ASPH: variants seen among roughly 807,000 people sequenced by gnomAD.
ASPH encodes the protein aspartate beta-hydroxylase, also known as aspartyl/asparaginyl beta-hydroxylase.
A neutral mutation model predicts 118.4 loss-of-function variants in ASPH; 100 were observed. The observed-to-expected ratio is 0.84, with a 90% confidence interval of 0.72 to 1.00. ASPH has a LOEUF of 1.00. Among genes scored for constraint, ASPH ranks in the 50% least tolerant of loss-of-function variants. The pLI is 0.00. For missense variants in ASPH, 920 were observed against 919.5 expected (o/e 1.00, Z -0.01); for synonymous variants, 315 against 325.6 (o/e 0.97, Z 0.35).
chr8:61,556,064 T>G (rs199974003), intron 18 of ASPH, 42 bp from the exon 19 acceptor site: 1 of 1,555,434 alleles, frequency 6.4e-7, no homozygotes, highest in East Asian at 2.3e-5. Context: ...AAAGAAAACA[T>G]AGGTGATTGC....
Position 61,644,588 on chromosome 8 carries a change from T to C in ASPH, c.652+12A>G, listed in dbSNP as rs1218162478. 1 of 1,575,020 alleles carries C rather than the reference T, an allele frequency of 6.3e-7. No homozygotes were observed. Among genetic ancestry groups the C allele is most frequent in the East Asian group, 2.3e-5 (1 of 43,478 alleles). On this transcript the variant is annotated intron_variant, in intron 7 of 24. Transcript: ENST00000379454. ...CACTCTAATTAAGAACAGAATTAAA[T>C]TAAAATCTCACCTGTCTCTTCCACG...
chr8:61,665,743 T>A, intron 3 of ASPH: 1 of 896,102 alleles, frequency 1.1e-6, no homozygotes. Context: ...TTACTTTAAT[T>A]CACTAGTCTT....
At chr8:61,648,506 T>C (rs564594905) in intron 5 of ASPH, among the ~76,000 whole-genome samples, 1 of 152,350 alleles carries the variant, frequency 6.6e-6, no homozygotes, top group South Asian at 2.1e-4. Context: ...TTACTTCTCT[T>C]TTTATTTTTA....
Position 61,645,194 on chromosome 8 carries a change from C to A in ASPH, c.620-562G>T, listed in dbSNP as rs148544090. Among the ~76,000 whole-genome samples the A allele has an allele frequency of 2.2e-3, 337 of 152,210 alleles. 2 individuals carry two copies. Among genetic ancestry groups the A allele is most frequent in the African/African-American group, 7.2e-3 (301 of 41,518 alleles). ...TATAAAGAATAAATATTTTTATTTT[C>A]TGAAGACTTTTAACAACCAACTTTT... On this transcript the variant is annotated intron_variant, in intron 6 of 24. Coordinates refer to ENST00000379454, the MANE Select transcript of ASPH (RefSeq NM_004318.4).
chr8:61,598,063 T>C (rs929879160), intron 14 of ASPH, among the ~76,000 whole-genome samples: 2 of 151,864 alleles, frequency 1.3e-5, no homozygotes, highest in African/African-American at 2.4e-5. Flanking sequence ...GAGCAAAAAA[T>C]ATACAACAAC....
chr8:61,508,929 A>G (rs533062018), intron 24 of ASPH, among the ~76,000 whole-genome samples: 1 of 152,328 alleles, frequency 6.6e-6, no homozygotes, highest in Non-Finnish European at 1.5e-5. Context: ...ATCTACTGAA[A>G]TTCCCCAGTT....
At chr8:61,512,099 G>T (rs1465803482) in intron 24 of ASPH, among the ~76,000 whole-genome samples, 1 of 152,136 alleles carries the variant, frequency 6.6e-6, no homozygotes, top group African/African-American at 2.4e-5. Flanking sequence ...CCCAAGCAAG[G>T]CTATGTGATC....
At chr8:61,613,716 G>C (rs1235631637) in intron 14 of ASPH, among the ~76,000 whole-genome samples, 1 of 152,176 alleles carries the variant, frequency 6.6e-6, no homozygotes, top group Non-Finnish European at 1.5e-5. Context: ...GGGAAGTGGA[G>C]CGATTAGGAA....
Position 61,714,465 on chromosome 8 carries a change from G to A in ASPH, c.-94C>T. The A allele has an allele frequency of 1.5e-6, 2 of 1,362,048 alleles. No homozygotes were observed. The highest frequency in any genetic ancestry group is 1.9e-6 in the Non-Finnish European group (2 of 1,058,066). 84.4% of individuals were successfully genotyped at this position (1,362,048 alleles called of 1,614,324 possible). A position where few individuals can be genotyped will look rare whatever the true frequency, so the allele number is the denominator to read the frequency against. ...CGGGAACCGCTGGCGGCGGCGGGCC[G>A]CTGGAGCGGGTTCGGGCCGCTGCTC... On this transcript the variant is annotated 5_prime_UTR_variant, in exon 1 of 25. Coordinates refer to ENST00000379454, the MANE Select transcript of ASPH (RefSeq NM_004318.4).
chr8:61,611,124 G>A (rs1847203190), intron 14 of ASPH, among the ~76,000 whole-genome samples: 2 of 152,190 alleles, frequency 1.3e-5, no homozygotes, highest in Admixed American at 1.3e-4. Context: ...GTAGCCCCAG[G>A]GAGCCTGGTG....
chr8:61,551,362 T>C (rs543953757), intron 20 of ASPH, among the ~76,000 whole-genome samples: 1 of 152,236 alleles, frequency 6.6e-6, no homozygotes, highest in Non-Finnish European at 1.5e-5. Context: ...GTTTACTTCC[T>C]GACATGCAAA....
intron 3 of ASPH, among the ~76,000 whole-genome samples, chr8:61,653,861 A>T (rs1371156454): frequency 6.6e-6 from 1 of 152,232 alleles, no homozygotes; most frequent in Non-Finnish European, 1.5e-5. Context: ...TCTTTGTCTT[A>T]GTTAGCTTTT....
At position 61,684,126 on chromosome 8, in the gene ASPH, T is replaced by A. The variant is rs771075546; in HGVS notation, c.166A>T (p.Thr56Ser). The A allele has an allele frequency of 1.9e-6, 3 of 1,613,730 alleles. No individual in the cohort carries two copies. The highest frequency in any genetic ancestry group is 8.5e-7 in the Non-Finnish European group (1 of 1,179,752). ...KGGLSGTSFF[T>S]WFMVIALLGV... ...AGCAATGCAATCACCATAAACCACGTGAAGAATGAAGTTCCTGAGAGTCCG... is the reference window on the plus strand; with the variant it reads ...AGCAATGCAATCACCATAAACCACGAGAAGAATGAAGTTCCTGAGAGTCCG... Residue 56 changes from threonine (T) to serine (S), a missense_variant, in exon 2 of 25, where the codon ACG becomes TCG. By Grantham distance (58) the Thr-to-Ser change is moderately conservative. Coordinates refer to ENST00000379454, the MANE Select transcript of ASPH (RefSeq NM_004318.4).
At chr8:61,663,238 G>T (rs1012730418) in intron 3 of ASPH, 1 of 985,168 alleles carries the variant, frequency 1.0e-6, no homozygotes, top group Admixed American at 6.2e-5. Flanking sequence ...ATTTGATGAA[G>T]TTTGAGTGGG....
intron 22 of ASPH, among the ~76,000 whole-genome samples, chr8:61,519,015 C>T (rs1236920105): frequency 2.0e-5 from 3 of 152,180 alleles, no homozygotes; most frequent in Non-Finnish European, 4.4e-5. Context: ...GTATTTTAAG[C>T]AGATACTGAA....
At chr8:61,530,264 G>A (rs1175160114) in intron 21 of ASPH, among the ~76,000 whole-genome samples, 1 of 152,148 alleles carries the variant, frequency 6.6e-6, no homozygotes, top group African/African-American at 2.4e-5. Flanking sequence ...TCAGTTGGTT[G>A]CCCGAAAGAC....
At chr8:61,614,170 T>C (rs1848305643) in intron 14 of ASPH, among the ~76,000 whole-genome samples, 1 of 152,208 alleles carries the variant, frequency 6.6e-6, no homozygotes, top group Non-Finnish European at 1.5e-5. Flanking sequence ...AATCTTTAAG[T>C]GTTTTAAAGA....
chr8:61,656,272 G>C (rs1813628989), intron 3 of ASPH: 1 of 152,176 alleles, frequency 6.6e-6, no homozygotes, highest in African/African-American at 2.4e-5. Context: ...AGCTTATAAT[G>C]GTTGGGTAGG....
At position 61,643,935 on chromosome 8, in the gene ASPH, A is replaced by T; in HGVS notation, c.709+10T>A. 2 of 1,607,646 alleles carry T rather than the reference A, an allele frequency of 1.2e-6. No individual in the cohort carries two copies. The highest frequency in any genetic ancestry group is 2.2e-5 in the South Asian group (2 of 90,706). On this transcript the variant is annotated intron_variant, in intron 8 of 24. Transcript: ENST00000379454. ...GAAAACACATATCAATAATTTTAAC[A>T]TTTACAAACCTGGATTTTCCTGCTC...
Sources: gnomAD v4.1 joint callset for allele counts (sites outside exome capture counted in the v4.1 genomes callset) on GRCh38, gnomAD v4.1.1 for gene constraint, MANE v1.5 for transcripts, NCBI Gene and HGNC (gene_info 2026-07-23, HGNC 2026-07-21) for gene names.